Variants in DCDC2C observed in about 807,000 individuals in gnomAD.
DCDC2C encodes the protein doublecortin domain containing 2C, also known as doublecortin domain-containing protein 2C.
Under a neutral mutation model 45.0 loss-of-function variants are expected in DCDC2C, and 44 were observed. That is an observed-to-expected ratio of 0.98 (90% CI 0.77 to 1.26). DCDC2C has a LOEUF of 1.26. Among genes scored for constraint, DCDC2C ranks in the 50% most tolerant of loss-of-function variants. The probability of loss-of-function intolerance (pLI) is 0.00; values close to 1 mark genes in which losing one functional copy is unlikely to be tolerated. For synonymous variants in DCDC2C, 187 were observed against 178.8 expected, an observed-to-expected ratio of 1.05 and a Z score of -0.37; for missense variants, 447 against 468.9, an observed-to-expected ratio of 0.95 and a Z score of 0.43.
At chr2:3,827,943 C>T (rs953061213) in intron 10 of DCDC2C, among the ~76,000 whole-genome samples, 1 of 152,124 alleles carries the variant, frequency 6.6e-6, no homozygotes, top group African/African-American at 2.4e-5. Flanking sequence ...CTGAAGGATG[C>T]TCTTCAGGTG....
intron 8 of DCDC2C, among the ~76,000 whole-genome samples, chr2:3,770,709 A>T (rs1220413958): frequency 6.6e-6 from 1 of 152,224 alleles, no homozygotes; most frequent in Non-Finnish European, 1.5e-5. Context: ...TGGGTTGTAG[A>T]CTGTGTGTCC....
intron 3 of DCDC2C, among the ~76,000 whole-genome samples, chr2:3,738,994 T>G (rs1669114779): frequency 6.6e-6 from 1 of 152,230 alleles, no homozygotes; most frequent in Non-Finnish European, 1.5e-5. Context: ...GATATTGGTC[T>G]AGGTTCATTC....
chr2:3,776,407 C>T (rs1572608197), intron 8 of DCDC2C, among the ~76,000 whole-genome samples: 2 of 152,184 alleles, frequency 1.3e-5, no homozygotes, highest in Non-Finnish European at 2.9e-5. Context: ...TGGCAAAAAA[C>T]AGCTCTTCCG....
In DCDC2C at chr2:3,752,781, G is replaced by A. The variant is rs981003135; in HGVS notation, c.564G>A (p.Gly188=). ...TTTACAGATTATTTACAATGAATGGGCATCTTTTGGGCGACTCAAAGGATT... is the reference window on the plus strand; with the variant it reads ...TTTACAGATTATTTACAATGAATGGACATCTTTTGGGCGACTCAAAGGATT... ...GGVRKLFTMN[G]HLLGDSKDLQ... Residue 188 remains glycine, a synonymous_variant, in exon 5 of 11, where the codon GGG becomes GGA. Coordinates refer to ENST00000399143, the MANE Select transcript of DCDC2C (RefSeq NM_001287444.2). 16 of 1,550,364 alleles carry A rather than the reference G, an allele frequency of 1.0e-5. No individual in the cohort carries two copies. In the African/African-American group the frequency reaches 2.1e-4, roughly 20 times the overall value.
intron 4 of DCDC2C, among the ~76,000 whole-genome samples, chr2:3,748,105 C>T (rs186449686): frequency 5.3e-5 from 8 of 152,122 alleles, no homozygotes; most frequent in African/African-American, 1.4e-4. Context: ...CTGCTGAGCC[C>T]GGGAGTGAAG....
At chr2:3,737,015 C>G (rs1422637518) in intron 3 of DCDC2C, among the ~76,000 whole-genome samples, 1 of 151,994 alleles carries the variant, frequency 6.6e-6, no homozygotes, top group Non-Finnish European at 1.5e-5. Flanking sequence ...AGATTGAGGC[C>G]AAAAGAGAGT....
intron 7 of DCDC2C, chr2:3,769,086 C>T (rs965235986): frequency 4.9e-5 from 24 of 486,578 alleles, no homozygotes; most frequent in African/African-American, 3.9e-5. Context: ...CAAAAGCAGA[C>T]GGGGCTAAAA....
At chr2:3,747,824 T>C (rs887293381) in intron 4 of DCDC2C, among the ~76,000 whole-genome samples, 9 of 152,188 alleles carry the variant, frequency 5.9e-5, no homozygotes, top group African/African-American at 2.2e-4. Context: ...AGACAACAGA[T>C]GCATGCTCAG....
At chr2:3,809,665 G>A (rs1395137478) in intron 10 of DCDC2C, among the ~76,000 whole-genome samples, 1 of 152,098 alleles carries the variant, frequency 6.6e-6, no homozygotes, top group Non-Finnish European at 1.5e-5. Context: ...TGCAGAACAT[G>A]CAGGTTTGTT....
intron 4 of DCDC2C, 123 bp from the exon 5 acceptor site, chr2:3,752,640 C>T (rs1018509991): frequency 1.2e-5 from 14 of 1,191,526 alleles, no homozygotes; most frequent in Admixed American, 4.0e-5. Flanking sequence ...CACGTGCTTA[C>T]GATGAGCACT....
chr2:3,728,272 G>C (rs1205863274), intron 3 of DCDC2C, among the ~76,000 whole-genome samples: 12 of 152,236 alleles, frequency 7.9e-5, no homozygotes, highest in Admixed American at 7.9e-4. Context: ...CTGAAAATCT[G>C]TGACCATTTC....
intron 10 of DCDC2C, among the ~76,000 whole-genome samples, chr2:3,826,651 C>T (rs772209515): frequency 2.4e-4 from 37 of 152,026 alleles, no homozygotes; most frequent in Admixed American, 1.1e-3. Context: ...TTCTGAGGTT[C>T]GAAGGTCCCC....
At chr2:3,797,639 T>C (rs1426255157) in intron 10 of DCDC2C, among the ~76,000 whole-genome samples, 1 of 150,718 alleles carries the variant, frequency 6.6e-6, no homozygotes, top group Non-Finnish European at 1.5e-5. Context: ...CCAGTAGTCA[T>C]TCAGGAGCAG....
At chr2:3,777,570 G>A (rs1391404538) in intron 8 of DCDC2C, among the ~76,000 whole-genome samples, 1 of 152,198 alleles carries the variant, frequency 6.6e-6, no homozygotes, top group African/African-American at 2.4e-5. Flanking sequence ...TTAAAATAAT[G>A]TGTTTTTACA....
At chr2:3,710,314 T>G (rs186213720) in intron 2 of DCDC2C, among the ~76,000 whole-genome samples, 1 of 152,312 alleles carries the variant, frequency 6.6e-6, no homozygotes, top group Admixed American at 6.5e-5. Context: ...TAGGTATTAA[T>G]CCCAGCATCC....
chr2:3,842,199 G>T (rs1672230412), intron 10 of DCDC2C, among the ~76,000 whole-genome samples: 1 of 152,142 alleles, frequency 6.6e-6, no homozygotes, highest in Admixed American at 6.5e-5. Flanking sequence ...TTCTCAAGAA[G>T]CTCATGTGAA....
intron 10 of DCDC2C, among the ~76,000 whole-genome samples, chr2:3,821,132 T>C (rs900195681): frequency 2.0e-5 from 3 of 152,144 alleles, no homozygotes; most frequent in Non-Finnish European, 4.4e-5. Flanking sequence ...GGGATTGTTC[T>C]CTGGTGGGCA....
intron 6 of DCDC2C, among the ~76,000 whole-genome samples, chr2:3,765,205 C>T (rs115970044): frequency 1.5e-3 from 233 of 152,344 alleles, no homozygotes; most frequent in Middle Eastern, 6.8e-3. Context: ...TCTTCTTTCC[C>T]TACTGTCTTT....
At position 3,761,545 on chromosome 2, in the gene DCDC2C, A is replaced by G. The variant is rs946436987; in HGVS notation, c.727-6209A>G. On this transcript the variant is annotated intron_variant, in intron 6 of 10. Coordinates refer to ENST00000399143, the MANE Select transcript of DCDC2C (RefSeq NM_001287444.2). This position sits in a 1 kb window ranked among gnomAD's most constrained non-coding sequence, Gnocchi z 4.3. Reference sequence around the variant, plus strand: ...CATGTCAAGGCTGGAGCAATATATCACAACAATCAAGGCTGCAATTGTCAT... The same window carrying G: ...CATGTCAAGGCTGGAGCAATATATCGCAACAATCAAGGCTGCAATTGTCAT... Among the ~76,000 whole-genome samples, 1 of 152,218 alleles carries G rather than the reference A, an allele frequency of 6.6e-6. No homozygotes were observed. The highest frequency in any genetic ancestry group is 1.5e-5 in the Non-Finnish European group (1 of 68,036).
Sources: gnomAD v4.1 joint callset for allele counts (sites outside exome capture counted in the v4.1 genomes callset) on GRCh38, gnomAD v4.1.1 for gene constraint, Gnocchi (gnomAD v3.1) non-coding constraint, MANE v1.5 for transcripts, NCBI Gene and HGNC (gene_info 2026-07-23, HGNC 2026-07-21) for gene names.